Variants in INTU observed in about 807,000 individuals in gnomAD.
The protein encoded by INTU is protein inturned.
Under a neutral mutation model 100.5 loss-of-function variants are expected in INTU, and 68 were observed. That is an observed-to-expected ratio of 0.68 (90% CI 0.56 to 0.83). INTU has a LOEUF of 0.83. Ranked by LOEUF, INTU falls within the 40% of genes least tolerant of loss-of-function variation. INTU has a pLI of 0.00. For synonymous variants in INTU, 357 were observed against 395.7 expected (o/e 0.90, Z 1.16); for missense variants, 1,071 against 1,114.7 (o/e 0.96, Z 0.56).
In INTU at chr4:127,705,708, T is replaced by C. The variant is rs1234571169; in HGVS notation, c.1684T>C (p.Trp562Arg). Reference protein sequence around the residue: ...AKQRIGQLIIWREVFPQHHLR... With the variant: ...AKQRIGQLIIRREVFPQHHLR... ...ACAAAGAATTGGTCAGTTGATCATA[T>C]GGAGAGAAGTGTTTCCTCAGCATCA... Residue 562 changes from tryptophan to arginine, a missense_variant, in exon 11 of 16, where the codon TGG becomes CGG. By Grantham distance (101) the Trp-to-Arg change is moderately radical. Transcript: ENST00000335251. 1.2e-6 allele frequency: 2 copies of C among 1,613,968 alleles called. No individual in the cohort carries two copies. Among genetic ancestry groups the C allele is most frequent in the Admixed American group, 1.7e-5 (1 of 59,996 alleles).
At chr4:127,693,687 C>T (rs1211317658) in intron 8 of INTU, among the ~76,000 whole-genome samples, 1 of 152,078 alleles carries the variant, frequency 6.6e-6, no homozygotes, top group African/African-American at 2.4e-5. Context: ...TTTCCCCATT[C>T]AGTATAATAT....
intron 3 of INTU, among the ~76,000 whole-genome samples, chr4:127,658,022 C>T (rs147999398): frequency 6.6e-6 from 1 of 151,976 alleles, no homozygotes; most frequent in African/African-American, 2.4e-5. Flanking sequence ...AGGATGAAGT[C>T]GTTTTTGGAT....
intron 6 of INTU, among the ~76,000 whole-genome samples, chr4:127,682,020 C>A (rs932760146): frequency 2.2e-4 from 33 of 147,882 alleles, no homozygotes; most frequent in African/African-American, 7.7e-4. Flanking sequence ...TCATCACTGG[C>A]CATCAGAGAA....
intron 9 of INTU, among the ~76,000 whole-genome samples, chr4:127,702,126 T>G (rs1162528095): frequency 6.6e-6 from 1 of 152,234 alleles, no homozygotes; most frequent in East Asian, 1.9e-4. Context: ...ACTATTTTAA[T>G]GAGCAGTGGA....
chr4:127,709,003 G>A (rs537790343), intron 13 of INTU, among the ~76,000 whole-genome samples: 2 of 152,226 alleles, frequency 1.3e-5, no homozygotes, highest in Admixed American at 1.3e-4. Context: ...GTGGTGTGCT[G>A]TCCAGTTACA....
At chr4:127,652,251 A>G (rs1727921719) in intron 2 of INTU, among the ~76,000 whole-genome samples, 1 of 143,478 alleles carries the variant, frequency 7.0e-6, no homozygotes, top group Admixed American at 6.9e-5. Context: ...AACTTCCAAC[A>G]CTATGTTGAA....
intron 1 of INTU, 109 bp downstream of exon 1, chr4:127,633,289 G>A: frequency 8.6e-7 from 1 of 1,158,524 alleles, no homozygotes; most frequent in Non-Finnish European, 1.2e-6. Flanking sequence ...CGAGTATTTG[G>A]GGTTCTATAA....
At chr4:127,692,659 T>G (rs1236967319) in intron 8 of INTU, among the ~76,000 whole-genome samples, 1 of 152,192 alleles carries the variant, frequency 6.6e-6, no homozygotes, top group African/African-American at 2.4e-5. Flanking sequence ...AGTCTTTGCC[T>G]AAGCCAATGT....
At position 127,663,412 on chromosome 4, in the gene INTU, T is replaced by C. The variant is rs140355383; in HGVS notation, c.800T>C (p.Val267Ala). 1.7e-5 allele frequency: 27 copies of C among 1,612,922 alleles called. No individual in the cohort carries two copies. In the African/African-American group the frequency reaches 3.2e-4, roughly 19 times the overall value. The change falls in exon 4 of 16, where the codon GTG (valine) becomes GCG (alanine). Residue 267 changes from valine to alanine, a missense_variant. Physicochemically the swap from Val to Ala is moderately conservative, Grantham distance 64 (BLOSUM62 0). Transcript: ENST00000335251. ...VKLTFENAYD[V>A]KRETSHPRQK... ...CTGACATTTGAAAATGCATATGATG[T>C]GAAAAGGGAGACGTCCCATCCAAGA... is the stretch of plus-strand genomic sequence containing the variant.
At chr4:127,694,413 A>C (rs911832122) in intron 8 of INTU, among the ~76,000 whole-genome samples, 3 of 152,022 alleles carry the variant, frequency 2.0e-5, no homozygotes, top group African/African-American at 7.2e-5. Context: ...ATCAGTTGTA[A>C]TATCTCCCAT....
intron 2 of INTU, among the ~76,000 whole-genome samples, chr4:127,652,646 C>A (rs1349707703): frequency 1.3e-5 from 1 of 75,240 alleles, no homozygotes; most frequent in Non-Finnish European, 2.5e-5. Flanking sequence ...AGGATTTTTG[C>A]ATCAATGTTC....
At chr4:127,711,338 C>T (rs112917537) in intron 14 of INTU, among the ~76,000 whole-genome samples, 73 of 152,256 alleles carry the variant, frequency 4.8e-4, no homozygotes, top group African/African-American at 1.6e-3. Context: ...GTGTTTTCTA[C>T]AGCAAAGCAA....
intron 6 of INTU, among the ~76,000 whole-genome samples, chr4:127,676,536 T>G (rs1163226052): frequency 3.4e-5 from 5 of 146,774 alleles, no homozygotes; most frequent in African/African-American, 1.3e-4. Flanking sequence ...CAGTTAGCTG[T>G]GATGCTGCCA....
chr4:127,658,847 A>G (rs1028452787), intron 3 of INTU, among the ~76,000 whole-genome samples: 2 of 152,114 alleles, frequency 1.3e-5, no homozygotes, highest in African/African-American at 4.8e-5. Flanking sequence ...CATTTATTGT[A>G]TGCACGATTT....
chr4:127,656,212 G>A (rs553380083), intron 2 of INTU, among the ~76,000 whole-genome samples: 4 of 152,080 alleles, frequency 2.6e-5, no homozygotes, highest in South Asian at 2.1e-4. Flanking sequence ...AGCTGTAGAC[G>A]GGAGCTGTTC....
intron 5 of INTU, 54 bp downstream of exon 5, chr4:127,669,208 C>A: frequency 1.2e-6 from 1 of 818,188 alleles, no homozygotes; most frequent in South Asian, 1.7e-5. Flanking sequence ...TTTTATTTCA[C>A]CCTGACAAAA....
At chr4:127,698,809 G>A (rs910101150) in intron 8 of INTU, among the ~76,000 whole-genome samples, 3 of 152,122 alleles carry the variant, frequency 2.0e-5, no homozygotes, top group Admixed American at 1.3e-4. Flanking sequence ...AGCAGGAATA[G>A]CAACTCATTG....
In INTU at chr4:127,641,027, CT is replaced by C. The variant is rs1265828537; in HGVS notation, c.147-2493del. ...AACATGAATCCCTCTCTCTCTCTCT[CT>C]CCCCACCTAATCAGTCTCAAAGTTC... On this transcript the variant is annotated intron_variant, in intron 1 of 15. Transcript: ENST00000335251. 5.3e-5 allele frequency among the ~76,000 whole-genome samples: 8 copies of C among 152,122 alleles called. No individual in the cohort carries two copies. In the East Asian group the frequency reaches 7.8e-4, roughly 15 times the overall value.
intron 13 of INTU, 126 bp from the exon 14 acceptor site, chr4:127,710,787 A>C: frequency 2.0e-6 from 1 of 491,450 alleles, no homozygotes; most frequent in Non-Finnish European, 3.3e-6. Context: ...CCCTTCCCTA[A>C]TTATACTACT....
Sources: allele counts gnomAD v4.1 joint callset (sites outside exome capture counted in the v4.1 genomes callset), GRCh38; gene constraint gnomAD v4.1.1; transcripts MANE v1.5; gene names NCBI Gene and HGNC (gene_info 2026-07-23, HGNC 2026-07-21).